ASMT: variants seen among roughly 807,000 people sequenced by gnomAD.
ASMT encodes the protein acetylserotonin N-methyltransferase.
A neutral mutation model predicts 41.3 loss-of-function variants in ASMT; 53 were observed. The observed-to-expected ratio is 1.28, with a 90% CI of 1.03 to 1.61. The LOEUF (loss-of-function observed/expected upper bound fraction) is 1.61, where lower values mean the gene tolerates loss of function less well. Ranked by LOEUF, ASMT falls within the 40% of genes most tolerant of loss-of-function variation. The pLI is 0.00. For synonymous variants in ASMT, 231 were observed against 184.8 expected, an observed-to-expected ratio of 1.25 and a Z score of -2.03; for missense variants, 531 against 441.3, an observed-to-expected ratio of 1.20 and a Z score of -1.82.
chrX:1,629,962 A>G (rs780599138), intron 5 of ASMT, 23 bp downstream of exon 5: 57 of 1,563,668 alleles, frequency 3.6e-5, no homozygotes, highest in Non-Finnish European at 4.8e-5. Context: ...CACCACTAAT[A>G]CCTCGGAGGT....
At chrX:1,627,641 A>G in intron 3 of ASMT, 62 bp from the exon 4 acceptor site, 2 of 461,644 alleles carry the variant, frequency 4.3e-6, no homozygotes, top group Non-Finnish European at 5.8e-6. Context: ...AACGAAATGA[A>G]ATGAAATGAA....
Position 1,633,295 on chromosome X carries a change from G to A in ASMT, c.787+5G>A, listed in dbSNP as rs1934845922. The stretch of plus-strand genomic sequence containing the variant: ...AACAGATTGACTTCCAGGAAGGTGT[G>A]TTTGTGTCCGTGGGGAAGCAGAGAT... On this transcript the variant is annotated splice_donor_5th_base_variant and intron_variant, in intron 7 of 8. Transcript: ENST00000381241. 2 of 1,613,782 alleles carry A rather than the reference G, an allele frequency of 1.2e-6. No individual in the cohort carries two copies. Among genetic ancestry groups the A allele is most frequent in the Admixed American group, 1.7e-5 (1 of 59,958 alleles).
chrX:1,641,553 T>G (rs1444553543), intron 8 of ASMT, among the ~76,000 whole-genome samples: 2 of 149,074 alleles, frequency 1.3e-5, no homozygotes, highest in Non-Finnish European at 3.0e-5. Flanking sequence ...CCAGTTCTCC[T>G]GTGAGGTCCA....
At chrX:1,626,284 G>C (rs111629409) in intron 3 of ASMT, among the ~76,000 whole-genome samples, 2,643 of 148,898 alleles carry the variant, frequency 0.018, 67 homozygotes, top group African/African-American at 0.062. Flanking sequence ...GCCCAGGCTG[G>C]AGTGCAGTGG....
chrX:1,615,658 C>T (rs1427170844), intron 1 of ASMT, among the ~76,000 whole-genome samples: 1 of 151,846 alleles, frequency 6.6e-6, no homozygotes, highest in Non-Finnish European at 1.5e-5. Flanking sequence ...CAAAATTAGC[C>T]AGGCTTGGTG....
At chrX:1,623,922 T>C (rs1313988754) in intron 2 of ASMT, among the ~76,000 whole-genome samples, 2 of 152,064 alleles carry the variant, frequency 1.3e-5, no homozygotes, top group Non-Finnish European at 2.9e-5. Context: ...GCGCTGAGAT[T>C]ACAGGTGTGA....
At chrX:1,616,271 C>T (rs1934105397) in intron 1 of ASMT, among the ~76,000 whole-genome samples, 2 of 151,416 alleles carry the variant, frequency 1.3e-5, no homozygotes, top group Admixed American at 1.3e-4. Context: ...TCAAGTGATT[C>T]ACCTGCCTCG....
chrX:1,617,851 G>T (rs1420202993), intron 1 of ASMT, among the ~76,000 whole-genome samples: 1 of 152,074 alleles, frequency 6.6e-6, no homozygotes, highest in Non-Finnish European at 1.5e-5. Flanking sequence ...CCAACCTCAG[G>T]TGATCCTCCT....
Position 1,615,109 on chromosome X carries a change from G to C in ASMT, c.-91G>C. On this transcript the variant is annotated 5_prime_UTR_variant, in exon 1 of 9. Transcript: ENST00000381241. Reference sequence around the variant, plus strand: ...GAGAGTCAGGCAGCAGCTGTGAGCGGGTGGCTCTTCCCCACCTTGCCAGCA... The same window carrying C: ...GAGAGTCAGGCAGCAGCTGTGAGCGCGTGGCTCTTCCCCACCTTGCCAGCA... 1 of 1,123,418 alleles carries C rather than the reference G, an allele frequency of 8.9e-7. No individual in the cohort carries two copies. The allele number at this position is 1,123,418 out of a possible 1,614,324, so 69.6% of individuals were successfully genotyped here. A position where few individuals can be genotyped will look rare whatever the true frequency, so the allele number is the denominator to read the frequency against.
chrX:1,629,827 G>C lies in ASMT; in HGVS notation c.450G>C (p.Glu150Asp). 1 of 1,613,912 alleles carries C rather than the reference G, an allele frequency of 6.2e-7. No individual in the cohort carries two copies. The highest frequency in any genetic ancestry group is 1.1e-5 in the South Asian group (1 of 91,076). Residue 150 changes from glutamate (E) to aspartate (D), a missense_variant, in exon 5 of 9, where the codon GAG becomes GAC. By Grantham distance (45) the Glu-to-Asp change is conservative. Transcript: ENST00000381241. ...GCGTGGTTTTGCATGCCAGGTCCGA[G>C]GGCGAGCGGCTACAGTTCATGCAAG... ...EELFTAIYRS[E>D]GERLQFMQAL...
chrX:1,630,300 ATTTTT>A (rs36011956), intron 5 of ASMT, among the ~76,000 whole-genome samples: 48 of 71,094 alleles, frequency 6.8e-4, no homozygotes, highest in Non-Finnish European at 9.1e-4. Flanking sequence ...CACCAGGCTA[ATTTTT>A]TTTTTTTTTT....
In ASMT at chrX:1,623,129, C is replaced by G. The variant is rs753936813; in HGVS notation, c.70-10C>G. On this transcript the variant is annotated splice_polypyrimidine_tract_variant and intron_variant, in intron 1 of 8. Coordinates refer to ENST00000381241, the MANE Select transcript of ASMT (RefSeq NM_001171038.2). ...GAGCCCTGACCTTTTATTTCCGCTCCTGCTCCAAGGTTCTCTTCGCCGCCT... is the reference window on the plus strand; with the variant it reads ...GAGCCCTGACCTTTTATTTCCGCTCGTGCTCCAAGGTTCTCTTCGCCGCCT... 1 of 1,612,262 alleles carries G rather than the reference C, an allele frequency of 6.2e-7. No individual in the cohort carries two copies. The highest frequency in any genetic ancestry group is 8.5e-7 in the Non-Finnish European group (1 of 1,179,808).
intron 7 of ASMT, among the ~76,000 whole-genome samples, chrX:1,634,726 G>A (rs6644786): frequency 0.12 from 17,524 of 150,052 alleles, 1,399 homozygotes; most frequent in East Asian, 0.4. Flanking sequence ...GTGCAGTGGC[G>A]TGATCCAAGC....
At chrX:1,634,661 C>A (rs759871455) in intron 7 of ASMT, among the ~76,000 whole-genome samples, 7 of 150,590 alleles carry the variant, frequency 4.6e-5, no homozygotes, top group East Asian at 2.0e-4. Flanking sequence ...TAACCCCCCC[C>A]CTTTTTTTTT....
chrX:1,624,651 G>T (rs1221870712), intron 3 of ASMT, among the ~76,000 whole-genome samples: 1 of 110,980 alleles, frequency 9.0e-6, no homozygotes, highest in Non-Finnish European at 1.8e-5. Flanking sequence ...TGGGAGGTGG[G>T]GGCTGCCCCC....
rs1196521684 is a variant in ASMT at position 1,641,538 on chromosome X, G to C, written c.911-1265G>C. ...AGCCTCTGTGTGTGTGTTGGGGACA[G>C]TGTCCCAGTTCTCCTGTGAGGTCCA... is the stretch of plus-strand genomic sequence containing the variant. On this transcript the variant is annotated intron_variant, in intron 8 of 8. Transcript: ENST00000381241. Among the ~76,000 whole-genome samples the C allele has an allele frequency of 4.9e-5, 7 of 143,484 alleles. No individual in the cohort carries two copies. The South Asian group carries it at 1.4e-3, about 28-fold the overall frequency. The allele number at this position is 143,484 out of a possible 152,430, so 94.1% of individuals were successfully genotyped here. A position where few individuals can be genotyped will look rare whatever the true frequency, so the allele number is the denominator to read the frequency against.
intron 1 of ASMT, among the ~76,000 whole-genome samples, chrX:1,622,611 C>A (rs1215682556): frequency 1.3e-5 from 2 of 151,836 alleles, no homozygotes; most frequent in African/African-American, 4.8e-5. Context: ...TGAGGTTGCA[C>A]GGCTATGGAA....
chrX:1,633,336 T>C, intron 7 of ASMT, 46 bp downstream of exon 7: 4 of 1,612,174 alleles, frequency 2.5e-6, no homozygotes, highest in Non-Finnish European at 3.4e-6. Flanking sequence ...TCACGGCTTC[T>C]CCAGGGGGAC....
intron 2 of ASMT, 130 bp from the exon 3 acceptor site, chrX:1,624,139 G>A (rs1934437037): frequency 1.6e-6 from 2 of 1,270,028 alleles, no homozygotes; most frequent in Admixed American, 1.7e-5. Flanking sequence ...GCAAGAGGAA[G>A]ACCCCATCTC....
Sources: allele counts gnomAD v4.1 joint callset (sites outside exome capture counted in the v4.1 genomes callset), GRCh38; gene constraint gnomAD v4.1.1; transcripts MANE v1.5; gene names NCBI Gene and HGNC (gene_info 2026-07-23, HGNC 2026-07-21).